The following ICA1L variants were observed in gnomAD, a reference collection of about 807,000 sequenced individuals.
ICA1L encodes islet cell autoantigen 1-like protein.
Under a neutral mutation model 61.3 loss-of-function variants are expected in ICA1L, and 50 were observed. That is an observed-to-expected ratio of 0.82 (90% confidence interval 0.65 to 1.03). ICA1L has a LOEUF of 1.03. ICA1L is among the 50% of genes least tolerant of loss of function. The probability of loss-of-function intolerance (pLI) is 0.00; values close to 1 mark genes in which losing one functional copy is unlikely to be tolerated. For missense variants in ICA1L, 508 were observed against 556.7 expected, an observed-to-expected ratio of 0.91 and a Z score of 0.88; for synonymous variants, 161 against 191.3, an observed-to-expected ratio of 0.84 and a Z score of 1.31.
chr2:202,787,552 CAATT>C, intron 11 of ICA1L, among the ~76,000 whole-genome samples: 1 of 152,322 alleles, frequency 6.6e-6, no homozygotes, highest in South Asian at 2.1e-4. Context: ...TCTATTCAAT[CAATT>C]CTTACTGAGT....
chr2:202,799,878 CTTTTTTTTTT>C (rs768203103), intron 9 of ICA1L, among the ~76,000 whole-genome samples: 1 of 133,952 alleles, frequency 7.5e-6, no homozygotes, highest in Admixed American at 7.5e-5. Context: ...CTGCTTTATA[CTTTTTTTTTT>C]TTTTTTTTTA....
chr2:202,802,869 G>A (rs571659202), intron 9 of ICA1L, among the ~76,000 whole-genome samples: 2 of 151,962 alleles, frequency 1.3e-5, no homozygotes, highest in Non-Finnish European at 2.9e-5. Context: ...GGGTTGGGGA[G>A]GATGAAGAAA....
intron 1 of ICA1L, among the ~76,000 whole-genome samples, chr2:202,834,275 A>G (rs1485273669): frequency 6.6e-6 from 1 of 152,224 alleles, no homozygotes; most frequent in Non-Finnish European, 1.5e-5. Context: ...TAATTGTTAA[A>G]TGTCCTGGTA....
intron 10 of ICA1L, among the ~76,000 whole-genome samples, chr2:202,794,719 T>C (rs1224908556): frequency 6.6e-6 from 1 of 151,930 alleles, no homozygotes; most frequent in Non-Finnish European, 1.5e-5. Flanking sequence ...AAATATATAA[T>C]GGAAAAGAAA....
chr2:202,868,650 T>C (rs1687595413), intron 1 of ICA1L, among the ~76,000 whole-genome samples: 1 of 152,228 alleles, frequency 6.6e-6, no homozygotes, highest in Admixed American at 6.5e-5. Context: ...AAATGTAGTA[T>C]ATTCATATGA....
chr2:202,793,029 T>TG (rs1692802974), intron 10 of ICA1L, among the ~76,000 whole-genome samples: 1 of 152,064 alleles, frequency 6.6e-6, no homozygotes, highest in Admixed American at 6.6e-5. Flanking sequence ...TGAGAGAATT[T>TG]GGGGGGTAAT....
chr2:202,864,569 A>T (rs1489333479), intron 1 of ICA1L, among the ~76,000 whole-genome samples: 2 of 151,916 alleles, frequency 1.3e-5, no homozygotes, highest in Non-Finnish European at 2.9e-5. Flanking sequence ...ACAAAATCCT[A>T]ACAAATCTAA....
intron 1 of ICA1L, among the ~76,000 whole-genome samples, chr2:202,829,516 T>C (rs753466207): frequency 6.6e-6 from 1 of 152,036 alleles, no homozygotes; most frequent in African/African-American, 2.4e-5. Flanking sequence ...AGTGGTGCAA[T>C]CATAGTTCAG....
chr2:202,822,681 A>G (rs1693732047), intron 3 of ICA1L, among the ~76,000 whole-genome samples: 1 of 152,156 alleles, frequency 6.6e-6, no homozygotes, highest in Non-Finnish European at 1.5e-5. Context: ...GTCATGCCTA[A>G]TTTCATCCCA....
At chr2:202,841,519 G>C in intron 1 of ICA1L, 1 of 733,294 alleles carries the variant, frequency 1.4e-6, no homozygotes, top group East Asian at 2.6e-5. Context: ...ACACGGCCTG[G>C]ATGTTGGGTT....
At chr2:202,809,064 T>C (rs188793618) in intron 9 of ICA1L, among the ~76,000 whole-genome samples, 1 of 151,978 alleles carries the variant, frequency 6.6e-6, no homozygotes, top group Admixed American at 6.6e-5. Flanking sequence ...TAGTGACCAA[T>C]CCTGAAGTGA....
chr2:202,824,229 C>T (rs567797443), intron 3 of ICA1L, among the ~76,000 whole-genome samples: 7 of 152,048 alleles, frequency 4.6e-5, no homozygotes, highest in Admixed American at 2.6e-4. Context: ...GGTGAAACCC[C>T]GTCTCTACTA....
intron 1 of ICA1L, chr2:202,844,480 C>G (rs1223068994): frequency 1.3e-5 from 2 of 152,178 alleles, no homozygotes; most frequent in African/African-American, 4.8e-5. Flanking sequence ...TGACAATGGT[C>G]AAGTTTCTGG....
intron 1 of ICA1L, among the ~76,000 whole-genome samples, chr2:202,842,243 G>A (rs1694355030): frequency 6.6e-6 from 1 of 152,126 alleles, no homozygotes; most frequent in South Asian, 2.1e-4. Context: ...TTGTGTAATT[G>A]TACCAATGAG....
intron 3 of ICA1L, among the ~76,000 whole-genome samples, chr2:202,824,411 A>AT (rs1295448277): frequency 6.6e-6 from 1 of 152,058 alleles, no homozygotes; most frequent in African/African-American, 2.4e-5. Context: ...AAAAAAAAAA[A>AT]TTCTGTCCTT....
chr2:202,851,655 C>T (rs1247790088), intron 1 of ICA1L, among the ~76,000 whole-genome samples: 5 of 152,202 alleles, frequency 3.3e-5, no homozygotes, highest in Non-Finnish European at 7.4e-5. Context: ...CATTTCTCTG[C>T]ATCCTCTCCA....
intron 9 of ICA1L, among the ~76,000 whole-genome samples, chr2:202,804,000 T>G (rs1693159539): frequency 6.6e-6 from 1 of 152,154 alleles, no homozygotes; most frequent in Non-Finnish European, 1.5e-5. Context: ...AAATAATAGT[T>G]TCTTTTAAAG....
chr2:202,829,924 T>C (rs1479157130), intron 1 of ICA1L, among the ~76,000 whole-genome samples: 1 of 152,210 alleles, frequency 6.6e-6, no homozygotes, highest in Non-Finnish European at 1.5e-5. Flanking sequence ...TTATAATCGC[T>C]ATGTCAAACA....
intron 8 of ICA1L, among the ~76,000 whole-genome samples, chr2:202,812,954 A>C (rs1482090391): frequency 6.6e-6 from 1 of 152,202 alleles, no homozygotes; most frequent in East Asian, 1.9e-4. Context: ...TTCATATAAC[A>C]TATGATTTTA....
Sources: gnomAD v4.1 joint callset for allele counts (sites outside exome capture counted in the v4.1 genomes callset) on GRCh38, gnomAD v4.1.1 for gene constraint, MANE v1.5 for transcripts, NCBI Gene and HGNC (gene_info 2026-07-23, HGNC 2026-07-21) for gene names.